Variants in OSMR observed in about 807,000 individuals in gnomAD.
OSMR encodes the protein oncostatin M receptor, also known as oncostatin-M-specific receptor subunit beta.
Under a neutral mutation model 99.9 loss-of-function variants are expected in OSMR, and 81 were observed. The observed-to-expected ratio is 0.81, with a 90% CI of 0.68 to 0.97. OSMR has a LOEUF of 0.97. Among genes scored for constraint, OSMR ranks in the 50% least tolerant of loss-of-function variants. OSMR has a pLI of 0.00. For missense variants in OSMR, 1,099 were observed against 1,153.4 expected (o/e 0.95, Z 0.68); for synonymous variants, 406 against 410.4 (o/e 0.99, Z 0.13).
At chr5:38,889,941 G>A (rs1744042008) in intron 7 of OSMR, among the ~76,000 whole-genome samples, 1 of 152,078 alleles carries the variant, frequency 6.6e-6, no homozygotes, top group South Asian at 2.1e-4. Flanking sequence ...TGAAATGCCA[G>A]TTTTATGGCA....
chr5:38,917,187 G>A (rs541760637), intron 9 of OSMR, among the ~76,000 whole-genome samples: 113 of 152,324 alleles, frequency 7.4e-4, no homozygotes, highest in African/African-American at 2.6e-3. Context: ...ATGGGGCAAG[G>A]AAGTAGCAAA....
intron 4 of OSMR, among the ~76,000 whole-genome samples, chr5:38,882,277 T>G (rs1743349164): frequency 6.6e-6 from 1 of 152,140 alleles, no homozygotes; most frequent in Admixed American, 6.6e-5. Context: ...TGATAGAAAT[T>G]TATTTACAGA....
Position 38,924,540 on chromosome 5 carries a change from T to C in OSMR, c.1989T>C (p.Tyr663=), listed in dbSNP as rs746822071. 6.2e-7 allele frequency: 1 copy of C among 1,614,178 alleles called. No homozygotes were observed. Among genetic ancestry groups the C allele is most frequent in the Admixed American group, 1.7e-5 (1 of 60,028 alleles). ...QPGFIQGYHV[Y]LKSKARQCHP... is the part of the protein sequence containing the mutation. ...GTTTTATACAAGGGTACCATGTCTA[T>C]CTGAAATCCAAGGCGAGGCAGTGCC... Residue 663 remains tyrosine, a synonymous_variant, in exon 14 of 18, where the codon TAT becomes TAC. Coordinates refer to ENST00000274276, the MANE Select transcript of OSMR (RefSeq NM_003999.3).
chr5:38,857,156 C>T (rs569450205), intron 1 of OSMR, among the ~76,000 whole-genome samples: 17 of 152,208 alleles, frequency 1.1e-4, no homozygotes, highest in Non-Finnish European at 2.1e-4. Context: ...GTAAAATACT[C>T]GATATTCTAG....
chr5:38,904,584 C>T (rs1745111480), intron 9 of OSMR, 81 bp downstream of exon 9: 1 of 1,561,948 alleles, frequency 6.4e-7, no homozygotes, highest in Non-Finnish European at 8.8e-7. Context: ...TTTGGTTGTA[C>T]CAAAAACTAA....
At chr5:38,892,086 G>T (rs925200533) in intron 7 of OSMR, among the ~76,000 whole-genome samples, 5 of 152,132 alleles carry the variant, frequency 3.3e-5, no homozygotes, top group African/African-American at 9.7e-5. Flanking sequence ...TGTGGCACCC[G>T]TGCGTGCCCC....
rs1233835154 is a variant in OSMR, at chr5:38,904,360, T to G, written c.1142T>G (p.Val381Gly). Residue 381 changes from valine to glycine, a missense_variant, in exon 9 of 18, where the codon GTT (valine) becomes GGT (glycine). By Grantham distance (109) the Val-to-Gly change is moderately radical. Transcript: ENST00000274276. The stretch of plus-strand genomic sequence containing the variant: ...TCTTTTTTGATCAAGCAGTACAATG[T>G]TTCCATCAAGGTGAACGGTGAGTAC... ...HGEGKMMQYN[V>G]SIKVNGEYFL... 1 of 1,613,878 alleles carries G rather than the reference T, an allele frequency of 6.2e-7. No individual in the cohort carries two copies. The highest frequency in any genetic ancestry group is 8.5e-7 in the Non-Finnish European group (1 of 1,179,896).
rs1003681703 is a variant in OSMR at position 38,856,336 on chromosome 5, T to C, written c.-14+9949T>C. ...CTGTTCTGCACGTTTTGATATACTT[T>C]ATTGATTTTAGCAGAAGGTTTTTGG... On this transcript the variant is annotated intron_variant, in intron 1 of 17. Coordinates refer to ENST00000274276, the MANE Select transcript of OSMR (RefSeq NM_003999.3). Among the ~76,000 whole-genome samples the C allele has an allele frequency of 3.3e-5, 5 of 152,222 alleles. 1 individual carries two copies. Among genetic ancestry groups the C allele is most frequent in the Non-Finnish European group, 7.3e-5 (5 of 68,036 alleles).
intron 9 of OSMR, among the ~76,000 whole-genome samples, chr5:38,908,303 A>T (rs111232769): frequency 1.6e-3 from 238 of 152,310 alleles, no homozygotes; most frequent in African/African-American, 5.4e-3. Flanking sequence ...TACCAGTGCC[A>T]GCACTGTCAC....
At chr5:38,847,669 A>G (rs1739976762) in intron 1 of OSMR, among the ~76,000 whole-genome samples, 1 of 144,892 alleles carries the variant, frequency 6.9e-6, no homozygotes, top group Admixed American at 6.9e-5. Flanking sequence ...TTCAGGAAAT[A>G]CTCAGTTTGT....
Position 38,886,155 on chromosome 5 carries a change from G to T in OSMR, c.956G>T (p.Arg319Ile). 1 of 1,614,110 alleles carries T rather than the reference G, an allele frequency of 6.2e-7. No homozygotes were observed. The highest frequency in any genetic ancestry group is 8.5e-7 in the Non-Finnish European group (1 of 1,179,954). ...ATAGCTGAAAATTACTTAAGGAAGA[G>T]AAGTGTCAATATCCTTTTTAACCTG... ...TLIAENYLRK[R>I]SVNILFNLTH... Residue 319 changes from arginine (R) to isoleucine (I), a missense_variant, in exon 7 of 18, where the codon AGA (arginine) becomes ATA (isoleucine). By Grantham distance (97) the Arg-to-Ile change is moderately conservative. Transcript: ENST00000274276.
chr5:38,889,852 T>A (rs915810373), intron 7 of OSMR, among the ~76,000 whole-genome samples: 45 of 152,188 alleles, frequency 3.0e-4, no homozygotes, highest in African/African-American at 1.1e-3. Context: ...CTTTCTTGGA[T>A]TTTTTTCTGT....
In OSMR at chr5:38,944,195, T is replaced by C. The variant is rs1285268803; in HGVS notation, c.75-6T>C. 8.4e-5 allele frequency: 47 copies of C among 561,478 alleles called. No individual in the cohort carries two copies. The highest frequency in any genetic ancestry group is 5.0e-5 in the Non-Finnish European group (15 of 297,568). The allele number at this position is 561,478 out of a possible 1,614,324, so 34.8% of individuals were successfully genotyped here. On this transcript the variant is annotated splice_region_variant and splice_polypyrimidine_tract_variant and intron_variant and NMD_transcript_variant, in intron 1 of 2. Transcript: ENST00000508882. ...GAAGAGTGGCATTATTTTACATTTT[T>C]TGCAGATCTCTTCAAAAGTCTGGCT...
intron 1 of OSMR, among the ~76,000 whole-genome samples, chr5:38,855,196 C>G (rs897916307): frequency 6.6e-6 from 1 of 152,186 alleles, no homozygotes; most frequent in Non-Finnish European, 1.5e-5. Flanking sequence ...GGAGGGGCCA[C>G]AGTAGAGGGT....
chr5:38,933,504 C>A lies in OSMR; in HGVS notation c.*60C>A. 2.5e-6 allele frequency: 4 copies of A among 1,583,638 alleles called. No homozygotes were observed. Among genetic ancestry groups the A allele is most frequent in the Non-Finnish European group, 3.5e-6 (4 of 1,155,034 alleles). ...ACATTAAGAAGAGCAGAGCTGGCAC[C>A]CTGTCATCACCAGTGGCCTTGGTCC... is the stretch of plus-strand genomic sequence containing the variant. On this transcript the variant is annotated 3_prime_UTR_variant, in exon 18 of 18. Coordinates refer to ENST00000274276, the MANE Select transcript of OSMR (RefSeq NM_003999.3).
In OSMR at chr5:38,861,780, C is replaced by T. The variant is rs373228300; in HGVS notation, c.-13-7252C>T. On this transcript the variant is annotated intron_variant, in intron 1 of 17. Transcript: ENST00000274276. The stretch of plus-strand genomic sequence containing the variant: ...CCCACCTCCCTCCTGGACGGGGCGG[C>T]TGGCCGGGCAGAGGGGCTCCTCACC... 7.2e-3 allele frequency among the ~76,000 whole-genome samples: 1,060 copies of T among 146,738 alleles called. 101 individuals carry two copies. In the East Asian group the frequency reaches 0.21, roughly 29 times the overall value.
chr5:38,889,672 A>T lies in OSMR; in HGVS notation c.991+3482A>T, dbSNP rs551260753. 3.9e-5 allele frequency among the ~76,000 whole-genome samples: 6 copies of T among 152,218 alleles called. No homozygotes were observed. In the South Asian group the frequency reaches 1.2e-3, roughly 32 times the overall value. ...GGTTGTATCTTCTTTTCCATTCACA[A>T]TATTATCTATATGTGCCTTTGCTCT... On this transcript the variant is annotated intron_variant, in intron 7 of 17. Coordinates refer to ENST00000274276, the MANE Select transcript of OSMR (RefSeq NM_003999.3).
rs1031771001 is a variant in OSMR at position 38,934,290 on chromosome 5, C to T, written c.*846C>T. On this transcript the variant is annotated 3_prime_UTR_variant, in exon 18 of 18. Transcript: ENST00000274276. ...TCTTTCAAGAACTATATATAAATGA[C>T]CTGTTTTCACTTAGCATCCTTTGGA... 1.3e-5 allele frequency: 2 copies of T among 152,532 alleles called. No individual in the cohort carries two copies. Among genetic ancestry groups the T allele is most frequent in the Non-Finnish European group, 2.9e-5 (2 of 68,030 alleles). 9.4% of individuals were successfully genotyped at this position (152,532 alleles called of 1,614,324 possible).
chr5:38,906,323 T>A (rs1354152288), intron 9 of OSMR, among the ~76,000 whole-genome samples: 1 of 152,132 alleles, frequency 6.6e-6, no homozygotes, highest in African/African-American at 2.4e-5. Flanking sequence ...ATGAGATGAA[T>A]CTACTGAAGG....
Sources: gnomAD v4.1 joint callset for allele counts (sites outside exome capture counted in the v4.1 genomes callset) on GRCh38, gnomAD v4.1.1 for gene constraint, MANE v1.5 for transcripts, NCBI Gene and HGNC (gene_info 2026-07-23, HGNC 2026-07-21) for gene names.